The following CPB2 variants were observed in gnomAD, a reference collection of about 807,000 sequenced individuals.
CPB2 encodes carboxypeptidase B2, also known as carboxypeptidase B-like protein.
Under a neutral mutation model 57.0 loss-of-function variants are expected in CPB2, and 54 were observed. The ratio of observed to expected loss-of-function variants is 0.95; its 90% CI spans 0.76 to 1.19. The LOEUF is 1.19. Among genes scored for constraint, CPB2 ranks in the 50% most tolerant of loss-of-function variants. The probability of loss-of-function intolerance (pLI) is 0.00; values close to 1 mark genes in which losing one functional copy is unlikely to be tolerated. For missense variants in CPB2, 426 were observed against 512.0 expected, an observed-to-expected ratio of 0.83 and a Z score of 1.62; for synonymous variants, 189 against 178.1, an observed-to-expected ratio of 1.06 and a Z score of -0.49.
intron 3 of CPB2, among the ~76,000 whole-genome samples, chr13:46,083,142 A>G (rs529941774): frequency 6.6e-6 from 1 of 152,246 alleles, no homozygotes; most frequent in South Asian, 2.1e-4. Context: ...CCTGAGATGG[A>G]CAAGTTGAAA....
At chr13:46,063,283 A>G (rs2044803055) in intron 8 of CPB2, among the ~76,000 whole-genome samples, 1 of 152,172 alleles carries the variant, frequency 6.6e-6, no homozygotes, top group African/African-American at 2.4e-5. Flanking sequence ...TGAACACAGT[A>G]CCACTTAGGT....
intron 1 of CPB2, among the ~76,000 whole-genome samples, chr13:46,091,220 C>A (rs1348279735): frequency 6.6e-6 from 1 of 152,126 alleles, no homozygotes; most frequent in Non-Finnish European, 1.5e-5. Flanking sequence ...TTTCTCTTTG[C>A]AAGTAATCAT....
intron 1 of CPB2, among the ~76,000 whole-genome samples, chr13:46,098,212 C>G (rs1197532059): frequency 6.6e-6 from 1 of 152,134 alleles, no homozygotes; most frequent in Non-Finnish European, 1.5e-5. Context: ...GATTGAGGGT[C>G]TGGGTTGTCT....
At chr13:46,054,539 G>A (rs954946096) in intron 10 of CPB2, among the ~76,000 whole-genome samples, 3 of 152,146 alleles carry the variant, frequency 2.0e-5, no homozygotes, top group South Asian at 4.2e-4. Context: ...TTTTCCAACC[G>A]CATTAATTGA....
intron 1 of CPB2, 53 bp downstream of exon 1, chr13:46,104,883 G>A (rs1269876625): frequency 1.9e-6 from 3 of 1,607,596 alleles, no homozygotes; most frequent in Non-Finnish European, 2.6e-6. Context: ...CACGACATGA[G>A]GCAAACAAGT....
chr13:46,092,822 C>T (rs1483567678), intron 1 of CPB2, among the ~76,000 whole-genome samples: 1 of 152,094 alleles, frequency 6.6e-6, no homozygotes, highest in Non-Finnish European at 1.5e-5. Context: ...GAAATTTGGA[C>T]TTTATCTTGT....
chr13:46,089,842 G>A (rs1471077054), intron 1 of CPB2, among the ~76,000 whole-genome samples: 4 of 60,994 alleles, frequency 6.6e-5, no homozygotes, highest in Non-Finnish European at 1.0e-4. Flanking sequence ...CTCCAGAACC[G>A]TGAGCAATAA....
chr13:46,096,843 CAG>C (rs1305286264), intron 1 of CPB2, among the ~76,000 whole-genome samples: 1 of 152,082 alleles, frequency 6.6e-6, no homozygotes, highest in Non-Finnish European at 1.5e-5. Context: ...CGAAAGAGAG[CAG>C]AGAGGGAAAT....
chr13:46,058,698 C>G (rs536327894), intron 8 of CPB2, among the ~76,000 whole-genome samples: 1 of 152,156 alleles, frequency 6.6e-6, no homozygotes, highest in African/African-American at 2.4e-5. Flanking sequence ...AAAATAAACC[C>G]CACTTTCCTT....
chr13:46,074,386 C>T (rs1474572049), intron 5 of CPB2, among the ~76,000 whole-genome samples: 1 of 151,878 alleles, frequency 6.6e-6, no homozygotes, highest in African/African-American at 2.4e-5. Flanking sequence ...GGAGACACAC[C>T]CAGAGCAAAA....
At chr13:46,078,556 G>A (rs977146146) in intron 5 of CPB2, among the ~76,000 whole-genome samples, 6 of 152,098 alleles carry the variant, frequency 3.9e-5, no homozygotes, top group Admixed American at 6.5e-5. Context: ...CTTAGGGTGG[G>A]TACTAATCCA....
chr13:46,075,708 C>T (rs2045012255), intron 5 of CPB2, among the ~76,000 whole-genome samples: 1 of 152,136 alleles, frequency 6.6e-6, no homozygotes, highest in Non-Finnish European at 1.5e-5. Flanking sequence ...ACTGAAGAGG[C>T]TCACCTATCA....
chr13:46,084,943 C>T (rs767598848), intron 2 of CPB2, among the ~76,000 whole-genome samples: 7 of 151,778 alleles, frequency 4.6e-5, no homozygotes, highest in African/African-American at 1.5e-4. Context: ...CTCTGCCTCC[C>T]GAGTTCTCGC....
chr13:46,074,991 G>A (rs1022953), intron 5 of CPB2, among the ~76,000 whole-genome samples: 3 of 152,080 alleles, frequency 2.0e-5, no homozygotes, highest in Admixed American at 6.6e-5. Flanking sequence ...TTGCGTGGCC[G>A]CGTTCCTAAC....
chr13:46,070,324 G>A (rs1452024712), intron 6 of CPB2, among the ~76,000 whole-genome samples: 1 of 152,174 alleles, frequency 6.6e-6, no homozygotes, highest in Non-Finnish European at 1.5e-5. Context: ...TTTCAGTTGT[G>A]ATTGTTTATT....
intron 1 of CPB2, among the ~76,000 whole-genome samples, chr13:46,091,150 A>T (rs557819657): frequency 6.6e-6 from 1 of 151,996 alleles, no homozygotes; most frequent in Non-Finnish European, 1.5e-5. Flanking sequence ...TTTGGTGTTG[A>T]TTTTCTATTT....
intron 1 of CPB2, among the ~76,000 whole-genome samples, chr13:46,098,034 A>C (rs2045389653): frequency 6.6e-6 from 1 of 152,228 alleles, no homozygotes; most frequent in Admixed American, 6.5e-5. Flanking sequence ...TCCAATAATC[A>C]GAAGGACATT....
rs774750741 is a variant in CPB2, at chr13:46,067,370, C to T, written c.639G>A (p.Arg213=). The change falls in exon 7 of 11, where the codon AGG becomes AGA. Residue 213 remains arginine, a synonymous_variant. Coordinates refer to ENST00000181383, the MANE Select transcript of CPB2 (RefSeq NM_001872.5). ...GIIGQYTNLL[R]LVDFYVMPVV... is the part of the protein sequence containing the mutation. ...CTGGCATAACATAGAAATCCACAAG[C>T]CTCAGGAGATTGGTATATTGCCCTA... The T allele has an allele frequency of 8.1e-6, 13 of 1,596,572 alleles. No individual in the cohort carries two copies. In the South Asian group the frequency reaches 1.3e-4, roughly 16 times the overall value.
intron 8 of CPB2, among the ~76,000 whole-genome samples, chr13:46,063,959 C>T (rs2044814414): frequency 6.6e-6 from 1 of 151,738 alleles, no homozygotes; most frequent in Non-Finnish European, 1.5e-5. Context: ...TTTACTTGTG[C>T]AATTAAAAAT....
Sources: gnomAD v4.1 joint callset for allele counts (sites outside exome capture counted in the v4.1 genomes callset) on GRCh38, gnomAD v4.1.1 for gene constraint, MANE v1.5 for transcripts, NCBI Gene and HGNC (gene_info 2026-07-23, HGNC 2026-07-21) for gene names.